The following CHUK variants were observed in gnomAD, a reference collection of about 807,000 sequenced individuals.
CHUK encodes the protein inhibitor of nuclear factor kappa-B kinase subunit alpha.
Under a neutral mutation model 104.8 loss-of-function variants are expected in CHUK, and 35 were observed. That is an observed-to-expected ratio of 0.33 (90% CI 0.26 to 0.44). CHUK has a LOEUF of 0.44. Ranked by LOEUF, CHUK falls within the 20% of genes least tolerant of loss-of-function variation. The pLI is 1.00. For synonymous variants in CHUK, 276 were observed against 291.9 expected (o/e 0.95, Z 0.56); for missense variants, 663 against 902.7 (o/e 0.73, Z 3.40).
At chr10:100,209,380 T>C (rs1453011051) in intron 10 of CHUK, among the ~76,000 whole-genome samples, 1 of 152,116 alleles carries the variant, frequency 6.6e-6, no homozygotes, top group Non-Finnish European at 1.5e-5. Flanking sequence ...AGCAGAAAAC[T>C]GGCACCAAAG....
In CHUK at chr10:100,193,432, C is replaced by G; in HGVS notation, c.1975-1G>C. 1 of 1,614,054 alleles carries G rather than the reference C, an allele frequency of 6.2e-7. No individual in the cohort carries two copies. Among genetic ancestry groups the G allele is most frequent in the Non-Finnish European group, 8.5e-7 (1 of 1,179,960 alleles). On this transcript the variant is annotated splice_acceptor_variant, in intron 18 of 20. Transcript: ENST00000370397. LOFTEE classifies it high-confidence loss of function. ...CAAGGGACCGGGCAGAACTCTGTGT[C>G]TGAAGGAAAAGAAAAAAACATCAAA...
chr10:100,191,916 C>T (rs1845214565), intron 19 of CHUK, among the ~76,000 whole-genome samples: 4 of 152,104 alleles, frequency 2.6e-5, no homozygotes, highest in Admixed American at 2.6e-4. Context: ...GTCAGGAGTT[C>T]GAGACCAGCC....
intron 9 of CHUK, among the ~76,000 whole-genome samples, chr10:100,211,879 A>ATTTTT (rs56796436): frequency 2.1e-5 from 3 of 146,098 alleles, no homozygotes; most frequent in Non-Finnish European, 3.0e-5. Context: ...TTACAGTTCT[A>ATTTTT]TTTTTTTTTT....
intron 5 of CHUK, among the ~76,000 whole-genome samples, chr10:100,220,169 TC>T (rs904607481): frequency 9.0e-4 from 137 of 152,264 alleles, no homozygotes; most frequent in African/African-American, 3.2e-3. Flanking sequence ...ATATATACTT[TC>T]TTTTTTTTCT....
intron 14 of CHUK, 114 bp downstream of exon 14, chr10:100,201,974 G>T: frequency 1.2e-6 from 1 of 813,592 alleles, no homozygotes; most frequent in Non-Finnish European, 2.1e-6. Context: ...CTAGAATTTT[G>T]TCTGAATTTC....
intron 1 of CHUK, among the ~76,000 whole-genome samples, chr10:100,228,529 G>A (rs1257107090): frequency 6.6e-6 from 1 of 152,064 alleles, no homozygotes; most frequent in Non-Finnish European, 1.5e-5. Context: ...GGTGGCGGGC[G>A]CCTGTAATCC....
chr10:100,226,159 C>G (rs1756402004), intron 1 of CHUK, 142 bp from the exon 2 acceptor site: 2 of 630,540 alleles, frequency 3.2e-6, no homozygotes, highest in African/African-American at 1.8e-5. Flanking sequence ...TGAGGCAATG[C>G]TTTTTAAAAA....
chr10:100,213,909 T>C (rs1480611291), intron 9 of CHUK, among the ~76,000 whole-genome samples: 1 of 152,224 alleles, frequency 6.6e-6, no homozygotes, highest in Non-Finnish European at 1.5e-5. Context: ...CATAACACAA[T>C]TGCCAGTATT....
intron 16 of CHUK, among the ~76,000 whole-genome samples, chr10:100,197,618 CTCTCTCTCCTATATTTAGGTTT>C (rs1323731495): frequency 6.6e-6 from 1 of 152,176 alleles, no homozygotes; most frequent in Admixed American, 6.6e-5. Context: ...TTTACGTTTT[CTCTCTCTCCTATATTTAGGTTT>C]TCTCTCTCCT....
rs1443051755 is a variant in CHUK at position 100,218,015 on chromosome 10, C to T, written c.913G>A (p.Asp305Asn). 6.2e-7 allele frequency: 1 copy of T among 1,614,072 alleles called. No individual in the cohort carries two copies. The highest frequency in any genetic ancestry group is 8.5e-7 in the Non-Finnish European group (1 of 1,179,952). Residue 305 changes from aspartate to asparagine, a missense_variant, in exon 9 of 21, where the codon GAT becomes AAT. Coordinates refer to ENST00000370397, the MANE Select transcript of CHUK (RefSeq NM_001278.5). ...CTAACCTTCAAATTCAAAATGTGAT[C>T]CATTAATACAAAACATCTTGGCTGC... ...LKQPRCFVLM[D>N]HILNLKIVHI... is the part of the protein sequence containing the mutation.
chr10:100,225,134 C>G (rs1216689578), intron 2 of CHUK, among the ~76,000 whole-genome samples: 1 of 152,206 alleles, frequency 6.6e-6, no homozygotes, highest in Non-Finnish European at 1.5e-5. Context: ...ACAGTGTGAG[C>G]CAACATGCCC....
chr10:100,200,771 T>A lies in CHUK; in HGVS notation c.1579A>T (p.Ile527Phe). 6.4e-7 allele frequency: 1 copy of A among 1,573,674 alleles called. No individual in the cohort carries two copies. The highest frequency in any genetic ancestry group is 8.7e-7 in the Non-Finnish European group (1 of 1,143,850). ...KAIHYAEVGV[I>F]GYLEDQIMSL... ...ATAATCTGATCCTCCAGGTATCCAA[T>A]GACACCAACCTAAAATATGATGAAA... Residue 527 changes from isoleucine (I) to phenylalanine (F), a missense_variant, in exon 15 of 21, where the codon ATT (isoleucine) becomes TTT (phenylalanine). By Grantham distance (21) the Ile-to-Phe change is conservative. Transcript: ENST00000370397.
rs1312650514 is a variant in CHUK, at chr10:100,219,050, G to C, written c.647C>G (p.Ala216Gly). The C allele has an allele frequency of 6.2e-7, 1 of 1,613,674 alleles. No homozygotes were observed. The highest frequency in any genetic ancestry group is 8.5e-7 in the Non-Finnish European group (1 of 1,179,756). ...ATGATGCAAAAAAGGCCTATATCCA[G>C]CAATACATTCAAATACCATGGTCCC... ...SFGTMVFECI[A>G]GYRPFLHHLQ... Residue 216 changes from alanine (A) to glycine (G), a missense_variant, in exon 7 of 21, where the codon GCT (alanine) becomes GGT (glycine). This residue lies in a region of CHUK where 200 missense variants were observed against 333.0 expected (regional missense o/e 0.60). Transcript: ENST00000370397.
intron 1 of CHUK, among the ~76,000 whole-genome samples, chr10:100,227,265 A>C (rs1846125684): frequency 6.6e-6 from 1 of 152,240 alleles, no homozygotes; most frequent in African/African-American, 2.4e-5. Flanking sequence ...GTACAACAAC[A>C]ACAAAAAAGT....
At chr10:100,196,131 T>C (rs1264522623) in intron 16 of CHUK, among the ~76,000 whole-genome samples, 1 of 152,150 alleles carries the variant, frequency 6.6e-6, no homozygotes, top group East Asian at 1.9e-4. Flanking sequence ...GAAAAAGAAT[T>C]GGACTTGCTC....
intron 9 of CHUK, 102 bp downstream of exon 9, chr10:100,217,893 T>C: frequency 8.4e-7 from 1 of 1,185,934 alleles, no homozygotes; most frequent in Non-Finnish European, 1.2e-6. Flanking sequence ...AATAAATAAA[T>C]AAGCAACAGG....
At position 100,221,219 on chromosome 10, in the gene CHUK, G is replaced by A. The variant is rs955320219; in HGVS notation, c.386-543C>T. On this transcript the variant is annotated intron_variant, in intron 4 of 20. Transcript: ENST00000370397. Reference sequence around the variant, plus strand: ...TGGGAGGCCGAGGCGGGCAGATCACGAGGTCAGGAGTTTGAGACCAGCCTG... The same window carrying A: ...TGGGAGGCCGAGGCGGGCAGATCACAAGGTCAGGAGTTTGAGACCAGCCTG... Among the ~76,000 whole-genome samples the A allele has an allele frequency of 2.0e-5, 3 of 152,144 alleles. No homozygotes were observed. In the South Asian group the frequency reaches 6.2e-4, roughly 32 times the overall value.
rs547205505 is a variant in CHUK, at chr10:100,227,595, T to C, written c.106-1578A>G. Among the ~76,000 whole-genome samples the C allele has an allele frequency of 8.5e-5, 13 of 152,200 alleles. No homozygotes were observed. The South Asian group carries it at 2.7e-3, about 32-fold the overall frequency. On this transcript the variant is annotated intron_variant, in intron 1 of 20. Transcript: ENST00000370397. ...ATGTTCCCTCTGATGGTGAGAATTA[T>C]TAAATTTACTACTTATCCTGCTATC...
chr10:100,206,096 A>G (rs1236075435), intron 11 of CHUK, among the ~76,000 whole-genome samples: 1 of 152,164 alleles, frequency 6.6e-6, no homozygotes, highest in African/African-American at 2.4e-5. Context: ...CATGACAACC[A>G]AATGTAATGT....
Sources: gnomAD v4.1 joint callset for allele counts (sites outside exome capture counted in the v4.1 genomes callset) on GRCh38, gnomAD v4.1.1 for gene constraint, gnomAD v4.1.1 regional missense constraint, MANE v1.5 for transcripts, NCBI Gene and HGNC (gene_info 2026-07-23, HGNC 2026-07-21) for gene names.